The following B3GALNT2 variants were observed in gnomAD, a reference collection of about 807,000 sequenced individuals.
The protein encoded by B3GALNT2 is UDP-GalNAc:beta-1,3-N-acetylgalactosaminyltransferase 2.
B3GALNT2 carries 53 observed loss-of-function variants against 61.1 expected under a neutral mutation model. The observed-to-expected ratio is 0.87, with a 90% CI of 0.70 to 1.09. The LOEUF (loss-of-function observed/expected upper bound fraction) is 1.09. Ranked by LOEUF, B3GALNT2 falls within the 50% of genes least tolerant of loss-of-function variation. The pLI, the probability that B3GALNT2 is intolerant of heterozygous loss-of-function variation, is 0.00. For missense variants in B3GALNT2, 544 were observed against 623.0 expected (o/e 0.87, Z 1.35); for synonymous variants, 223 against 237.4 (o/e 0.94, Z 0.56).
At chr1:235,474,987 A>T (rs1364262419) in intron 5 of B3GALNT2, among the ~76,000 whole-genome samples, 10,330 of 35,566 alleles carry the variant, frequency 0.29, 1,772 homozygotes, top group East Asian at 0.56. Flanking sequence ...ATATATATAT[A>T]TTTTTTTTTT....
Position 235,453,157 on chromosome 1 carries a change from C to A in B3GALNT2, c.1312-11G>T. ...GCTTACATCTTCACCCTATACATGG[C>A]CCATAAAGTTTAAATGTAAAAATTT... is the stretch of plus-strand genomic sequence containing the variant. On this transcript the variant is annotated splice_polypyrimidine_tract_variant and intron_variant, in intron 10 of 11. Coordinates refer to ENST00000366600, the MANE Select transcript of B3GALNT2 (RefSeq NM_152490.5). The A allele has an allele frequency of 6.2e-7, 1 of 1,608,224 alleles. No individual in the cohort carries two copies. Among genetic ancestry groups the A allele is most frequent in the South Asian group, 1.1e-5 (1 of 90,892 alleles).
In B3GALNT2 at chr1:235,448,583, G is replaced by A. The variant is rs1682644311; in HGVS notation, c.*1623C>T. The A allele has an allele frequency of 7.7e-5, 106 of 1,383,848 alleles. No homozygotes were observed. The highest frequency in any genetic ancestry group is 1.1e-4 in the Non-Finnish European group (104 of 970,534). The allele number at this position is 1,383,848 out of a possible 1,614,324, so 85.7% of individuals were successfully genotyped here. A position where few individuals can be genotyped will look rare whatever the true frequency, so the allele number is the denominator to read the frequency against. ...TGATTTTAAGGGTAAGCTACTGCCT[G>A]GGGACGGGGTGGGGGAAGAGTATGT... On this transcript the variant is annotated 3_prime_UTR_variant, in exon 12 of 12. Coordinates refer to ENST00000366600, the MANE Select transcript of B3GALNT2 (RefSeq NM_152490.5).
chr1:235,499,410 C>T (rs993792934), intron 1 of B3GALNT2, among the ~76,000 whole-genome samples: 6 of 152,016 alleles, frequency 3.9e-5, no homozygotes, highest in South Asian at 4.2e-4. Context: ...CATCAAACTG[C>T]GCCAGTTTTA....
chr1:235,500,658 T>C (rs1352129857), intron 1 of B3GALNT2, among the ~76,000 whole-genome samples: 1 of 152,158 alleles, frequency 6.6e-6, no homozygotes, highest in African/African-American at 2.4e-5. Flanking sequence ...ACAGATCTAA[T>C]GATAAAGACA....
intron 9 of B3GALNT2, 54 bp downstream of exon 9, chr1:235,455,505 A>G (rs1184044889): frequency 6.4e-7 from 1 of 1,554,300 alleles, no homozygotes; most frequent in Admixed American, 1.8e-5. Context: ...ATGCTTTATT[A>G]ATTACATTTG....
rs1553341948 is a variant in B3GALNT2 at position 235,449,112 on chromosome 1, G to GAATTCTCTATTGAA, written c.*1080_*1093dup. The GAATTCTCTATTGAA allele has an allele frequency of 2.1e-4, 60 of 283,942 alleles. No individual in the cohort carries two copies. Among genetic ancestry groups the GAATTCTCTATTGAA allele is most frequent in the Non-Finnish European group, 4.0e-4 (58 of 146,364 alleles). 17.6% of individuals were successfully genotyped at this position (283,942 alleles called of 1,614,324 possible). A position where few individuals can be genotyped will look rare whatever the true frequency, so the allele number is the denominator to read the frequency against. ...ATCTGTCATAAGACTAGTTTTAATG[G>GAATTCTCTATTGAA]AATTCTCTATTGAAACTACTATTTT... On this transcript the variant is annotated 3_prime_UTR_variant, in exon 12 of 12. Transcript: ENST00000366600.
intron 5 of B3GALNT2, chr1:235,478,969 G>C (rs979444189): frequency 2.7e-5 from 4 of 149,800 alleles, no homozygotes; most frequent in African/African-American, 9.8e-5. Flanking sequence ...TTTATTTTTT[G>C]ACTGCTTTTG....
chr1:235,504,142 T>G lies in B3GALNT2; in HGVS notation c.111A>C (p.Ala37=), dbSNP rs1445351391. 1 of 1,139,148 alleles carries G rather than the reference T, an allele frequency of 8.8e-7. No homozygotes were observed. The highest frequency in any genetic ancestry group is 2.8e-5 in the South Asian group (1 of 35,308). The allele number at this position is 1,139,148 out of a possible 1,614,324, so 70.6% of individuals were successfully genotyped here. Residue 37 remains alanine (A), a splice_region_variant and synonymous_variant, in exon 1 of 12, where the codon GCA becomes GCC. Transcript: ENST00000366600. Reference sequence around the variant, plus strand: ...ACCCGCCCGGCCCCAGGACCTCACCTGCAGGGCCGGCCCCGGAGGCGCAGG... The same window carrying G: ...ACCCGCCCGGCCCCAGGACCTCACCGGCAGGGCCGGCCCCGGAGGCGCAGG... ...PPACASGAGP[A]DQLALFPQWK...
chr1:235,468,254 G>A (rs928411132), intron 6 of B3GALNT2, among the ~76,000 whole-genome samples: 4 of 152,110 alleles, frequency 2.6e-5, no homozygotes, highest in African/African-American at 4.8e-5. Context: ...TCAGCTGTAC[G>A]CATTTGTGAT....
chr1:235,455,618 T>C lies in B3GALNT2; in HGVS notation c.1092A>G (p.Glu364=), dbSNP rs565049275. The change falls in exon 9 of 12, where the codon GAA becomes GAG. Residue 364 remains glutamate (E), a synonymous_variant. Transcript: ENST00000366600. ...TTTGGACAATCCTATTAAATACAGC[T>C]TCGAGGTCTATGTAACAGTCATCAT... ...KTDDDCYIDL[E]AVFNRIVQKN... is the part of the protein sequence containing the mutation. The C allele has an allele frequency of 2.6e-5, 42 of 1,606,604 alleles. No individual in the cohort carries two copies. In the East Asian group the frequency reaches 9.1e-4, roughly 35 times the overall value.
chr1:235,463,993 C>T (rs910690987), intron 7 of B3GALNT2: 1 of 152,218 alleles, frequency 6.6e-6, no homozygotes, highest in African/African-American at 2.4e-5. Flanking sequence ...TCTACAGTCA[C>T]TGATTTTCAA....
downstream of B3GALNT2, among the ~76,000 whole-genome samples, chr1:235,443,978 A>C (rs1027932946): frequency 2.0e-5 from 3 of 152,264 alleles, no homozygotes; most frequent in African/African-American, 7.2e-5. Context: ...CTTGATTCAT[A>C]GCTAAATGCT....
chr1:235,474,987 A>ATATATTT (rs1180244284), intron 5 of B3GALNT2, among the ~76,000 whole-genome samples: 3 of 35,574 alleles, frequency 8.4e-5, no homozygotes, highest in Non-Finnish European at 1.5e-4. Flanking sequence ...ATATATATAT[A>ATATATTT]TTTTTTTTTT....
intron 5 of B3GALNT2, among the ~76,000 whole-genome samples, chr1:235,472,991 C>G (rs1415882282): frequency 6.6e-6 from 1 of 152,166 alleles, no homozygotes; most frequent in Non-Finnish European, 1.5e-5. Flanking sequence ...TCACTGCAAA[C>G]CCCACCTCCC....
intron 3 of B3GALNT2, among the ~76,000 whole-genome samples, chr1:235,485,800 CTATT>C (rs201738061): frequency 0.012 from 1,774 of 152,244 alleles, 27 homozygotes; most frequent in Admixed American, 0.013. Context: ...GTACACACAC[CTATT>C]TACTTACAAA....
downstream of B3GALNT2, among the ~76,000 whole-genome samples, chr1:235,445,088 T>A (rs1275636914): frequency 1.3e-5 from 2 of 152,244 alleles, no homozygotes; most frequent in Non-Finnish European, 2.9e-5. Flanking sequence ...TAGCAGAGAT[T>A]CGACTATCCA....
intron 2 of B3GALNT2, among the ~76,000 whole-genome samples, chr1:235,492,891 T>A (rs767761746): frequency 8.5e-5 from 13 of 152,098 alleles, no homozygotes; most frequent in Non-Finnish European, 1.6e-4. Flanking sequence ...GAAAGTACAG[T>A]AAGGCAGCCA....
At chr1:235,479,889 A>C in intron 5 of B3GALNT2, 165 bp downstream of exon 5, 1 of 1,237,252 alleles carries the variant, frequency 8.1e-7, no homozygotes, top group Non-Finnish European at 1.1e-6. Context: ...AGGAGGTTTG[A>C]ATACAGAGTG....
chr1:235,502,702 AC>A (rs1380467144), intron 1 of B3GALNT2, among the ~76,000 whole-genome samples: 1 of 152,230 alleles, frequency 6.6e-6, no homozygotes, highest in African/African-American at 2.4e-5. Flanking sequence ...AAGTCTACTA[AC>A]ATTTCAGTTT....
Sources: gnomAD v4.1 joint callset for allele counts (sites outside exome capture counted in the v4.1 genomes callset) on GRCh38, gnomAD v4.1.1 for gene constraint, MANE v1.5 for transcripts, NCBI Gene and HGNC (gene_info 2026-07-23, HGNC 2026-07-21) for gene names.